Variants in CAPRIN1 observed in about 807,000 individuals in gnomAD.
CAPRIN1 encodes the protein caprin-1.
In CAPRIN1, 29 loss-of-function variants were observed where a neutral mutation model predicts 100.9. The ratio of observed to expected loss-of-function variants is 0.29; its 90% CI spans 0.21 to 0.39. The LOEUF is 0.39. CAPRIN1 is among the 10% of genes least tolerant of loss of function. The probability of loss-of-function intolerance (pLI) is 1.00; values close to 1 mark genes in which losing one functional copy is unlikely to be tolerated. For synonymous variants in CAPRIN1, 338 were observed against 307.5 expected (o/e 1.10, Z -1.04); for missense variants, 795 against 876.7 (o/e 0.91, Z 1.18).
intron 15 of CAPRIN1, among the ~76,000 whole-genome samples, chr11:34,095,171 C>T (rs1321828761): frequency 6.6e-6 from 1 of 152,126 alleles, no homozygotes; most frequent in Non-Finnish European, 1.5e-5. Flanking sequence ...GCTGGGATTA[C>T]CAGTGTGAGC....
At chr11:34,087,329 A>ATTTTTTT (rs5790975) in intron 11 of CAPRIN1, among the ~76,000 whole-genome samples, 7 of 96,572 alleles carry the variant, frequency 7.2e-5, no homozygotes, top group Non-Finnish European at 1.3e-4. Flanking sequence ...TATCTCTCAC[A>ATTTTTTT]TTTTTTTTTT....
At position 34,077,180 on chromosome 11, in the gene CAPRIN1, A is replaced by G. The variant is rs1565090617; in HGVS notation, c.688+538A>G. ...TGTGGAAATCAGAACACCAGCAACA[A>G]ACAACTAAAACTGGGAATATGATAG... On this transcript the variant is annotated intron_variant, in intron 6 of 18. Coordinates refer to ENST00000341394, the MANE Select transcript of CAPRIN1 (RefSeq NM_005898.5). Among the ~76,000 whole-genome samples the G allele has an allele frequency of 2.0e-5, 3 of 152,244 alleles. No homozygotes were observed. In the South Asian group the frequency reaches 6.2e-4, roughly 32 times the overall value.
At chr11:34,090,806 T>G in intron 14 of CAPRIN1, 128 bp downstream of exon 14, 1 of 734,520 alleles carries the variant, frequency 1.4e-6, no homozygotes, top group Non-Finnish European at 2.2e-6. Context: ...TAGGGTATAT[T>G]TAATTGAACA....
intron 2 of CAPRIN1, among the ~76,000 whole-genome samples, chr11:34,064,216 G>A (rs1850640412): frequency 6.6e-6 from 1 of 152,104 alleles, no homozygotes; most frequent in Admixed American, 6.6e-5. Flanking sequence ...AAAGAATAAA[G>A]CTGTGTCTGT....
rs909695481 is a variant in CAPRIN1 at position 34,102,603 on chromosome 11, T to C, written c.*3236T>C. ...TAAAATTACACTAGATTAAATAATA[T>C]GAAAGTCTGGTTTTCTCACTGTCCT... On this transcript the variant is annotated 3_prime_UTR_variant, in exon 19 of 19. Coordinates refer to ENST00000341394, the MANE Select transcript of CAPRIN1 (RefSeq NM_005898.5). 1.3e-5 allele frequency among the ~76,000 whole-genome samples: 2 copies of C among 152,204 alleles called. No individual in the cohort carries two copies. The highest frequency in any genetic ancestry group is 1.5e-5 in the Non-Finnish European group (1 of 68,030).
intron 2 of CAPRIN1, among the ~76,000 whole-genome samples, chr11:34,060,212 A>T (rs1027328690): frequency 2.6e-5 from 4 of 151,548 alleles, no homozygotes; most frequent in African/African-American, 9.7e-5. Context: ...AAAAAAAAAA[A>T]AAAAAAGCTG....
Position 34,076,625 on chromosome 11 carries a change from CTG to C in CAPRIN1, c.673_674del (p.Val225MetfsTer6). The C allele has an allele frequency of 6.2e-7, 1 of 1,612,248 alleles. No individual in the cohort carries two copies. ...GACCTGCTGGAAGGGAAGGAAAAAC[CTG>C]TATGTGGAACCACCTGTGAGTATCA... is the stretch of plus-strand genomic sequence containing the variant. On this transcript the variant is annotated frameshift_variant, in exon 6 of 19. Transcript: ENST00000341394. LOFTEE classifies it high-confidence loss of function.
intron 2 of CAPRIN1, among the ~76,000 whole-genome samples, chr11:34,067,875 T>C (rs1850729625): frequency 6.6e-6 from 1 of 152,204 alleles, no homozygotes; most frequent in South Asian, 2.1e-4. Context: ...TCCATGAAGA[T>C]GTGTACCATG....
At chr11:34,061,361 C>T (rs111263580) in intron 2 of CAPRIN1, among the ~76,000 whole-genome samples, 66 of 151,818 alleles carry the variant, frequency 4.3e-4, no homozygotes, top group African/African-American at 1.5e-3. Context: ...CAACCACCAC[C>T]GCACCCGGCT....
At chr11:34,075,849 A>G (rs1344512910) in intron 4 of CAPRIN1, among the ~76,000 whole-genome samples, 1 of 152,248 alleles carries the variant, frequency 6.6e-6, no homozygotes, top group Non-Finnish European at 1.5e-5. Flanking sequence ...CTAACTAAAG[A>G]AAACAATACA....
intron 18 of CAPRIN1, chr11:34,098,434 T>C: frequency 1.7e-5 from 17 of 985,440 alleles, no homozygotes; most frequent in Non-Finnish European, 1.9e-5. Flanking sequence ...GAAGTTAACC[T>C]ATTTAACAAT....
At chr11:34,072,855 A>G (rs966500608) in intron 4 of CAPRIN1, among the ~76,000 whole-genome samples, 10 of 152,210 alleles carry the variant, frequency 6.6e-5, no homozygotes, top group African/African-American at 2.4e-4. Context: ...ACATTGTAAT[A>G]CTGTATTTTT....
Position 34,090,247 on chromosome 11 carries a change from T to C in CAPRIN1, c.1362T>C (p.Ala454=), listed in dbSNP as rs144780357. The stretch of plus-strand genomic sequence containing the variant: ...AACCCTTGTACCAGCCTTCTCATGC[T>C]ACAGAGCAACGACCACAGAAGGAAC... ...ASQPLYQPSH[A]TEQRPQKEPI... is the part of the protein sequence containing the mutation. The change falls in exon 13 of 19, where the codon GCT becomes GCC. Residue 454 remains alanine, a synonymous_variant. Coordinates refer to ENST00000341394, the MANE Select transcript of CAPRIN1 (RefSeq NM_005898.5). The C allele has an allele frequency of 1.2e-5, 19 of 1,614,072 alleles. No homozygotes were observed. The highest frequency in any genetic ancestry group is 1.5e-5 in the Non-Finnish European group (18 of 1,179,946).
intron 2 of CAPRIN1, among the ~76,000 whole-genome samples, chr11:34,066,347 T>TTTA (rs1850693059): frequency 1.3e-5 from 2 of 151,936 alleles, no homozygotes; most frequent in African/African-American, 2.4e-5. Context: ...TTATTTATTT[T>TTTA]TTTTGAGACA....
chr11:34,071,818 C>T lies in CAPRIN1; in HGVS notation c.279+30C>T, dbSNP rs771592995. On this transcript the variant is annotated intron_variant, in intron 3 of 18. Coordinates refer to ENST00000341394, the MANE Select transcript of CAPRIN1 (RefSeq NM_005898.5). Reference sequence around the variant, plus strand: ...AGATGTTATATTTTTTATTTTAGACCTAATGCTCACTATTTTAAAGACAAA... The same window carrying T: ...AGATGTTATATTTTTTATTTTAGACTTAATGCTCACTATTTTAAAGACAAA... 1.0e-5 allele frequency: 16 copies of T among 1,576,662 alleles called. 1 individual carries two copies. The South Asian group carries it at 1.3e-4, about 13-fold the overall frequency.
intron 2 of CAPRIN1, among the ~76,000 whole-genome samples, chr11:34,055,160 A>T (rs530389709): frequency 1.3e-5 from 2 of 152,072 alleles, no homozygotes; most frequent in East Asian, 1.9e-4. Flanking sequence ...TTGTTATTTT[A>T]TTTTTATTTT....
chr11:34,082,470 T>C (rs1221043015), intron 7 of CAPRIN1, among the ~76,000 whole-genome samples: 2 of 152,234 alleles, frequency 1.3e-5, no homozygotes, highest in African/African-American at 4.8e-5. Flanking sequence ...ATTACAGACA[T>C]GAGCCACTGT....
chr11:34,053,738 T>G (rs989915253), intron 2 of CAPRIN1: 3 of 152,170 alleles, frequency 2.0e-5, no homozygotes, highest in African/African-American at 7.2e-5. Context: ...TAAACTCTTG[T>G]TTAGAGGGGC....
chr11:34,081,466 T>C (rs1851026310), intron 7 of CAPRIN1, among the ~76,000 whole-genome samples: 1 of 151,830 alleles, frequency 6.6e-6, no homozygotes, highest in Non-Finnish European at 1.5e-5. Context: ...CCCAAAGTGC[T>C]GGGATTACAG....
Sources: gnomAD v4.1 joint callset for allele counts (sites outside exome capture counted in the v4.1 genomes callset) on GRCh38, gnomAD v4.1.1 for gene constraint, MANE v1.5 for transcripts, NCBI Gene and HGNC (gene_info 2026-07-23, HGNC 2026-07-21) for gene names.